CYP19A1: variants seen among roughly 807,000 people sequenced by gnomAD.
CYP19A1 encodes cytochrome P450 family 19 subfamily A member 1.
A neutral mutation model predicts 44.4 loss-of-function variants in CYP19A1; 32 were observed. The observed-to-expected ratio is 0.72, with a 90% CI of 0.54 to 0.97. CYP19A1 has a LOEUF of 0.97. Ranked by LOEUF, CYP19A1 falls within the 50% of genes least tolerant of loss-of-function variation. CYP19A1 has a pLI of 0.00. For synonymous variants in CYP19A1, 212 were observed against 215.6 expected, an observed-to-expected ratio of 0.98 and a Z score of 0.14; for missense variants, 598 against 637.8, an observed-to-expected ratio of 0.94 and a Z score of 0.67.
intron 1 of CYP19A1, among the ~76,000 whole-genome samples, chr15:51,323,533 T>G (rs1061825): frequency 6.6e-6 from 1 of 152,018 alleles, no homozygotes; most frequent in Non-Finnish European, 1.5e-5. Context: ...CTTGGGAAAT[T>G]TATTTAACCA....
intron 3 of CYP19A1, among the ~76,000 whole-genome samples, chr15:51,229,179 C>G (rs935261661): frequency 6.6e-6 from 1 of 151,776 alleles, no homozygotes; most frequent in Non-Finnish European, 1.5e-5. Flanking sequence ...AAAAGTAAGC[C>G]CCTGAAATAA....
At chr15:51,295,763 G>C (rs1267044776) in intron 1 of CYP19A1, among the ~76,000 whole-genome samples, 2 of 152,276 alleles carry the variant, frequency 1.3e-5, no homozygotes, top group East Asian at 3.9e-4. Flanking sequence ...AGTTGAGCTG[G>C]GTCCCTCGGG....
intron 1 of CYP19A1, among the ~76,000 whole-genome samples, chr15:51,292,354 T>C (rs2035867150): frequency 6.6e-6 from 1 of 152,250 alleles, no homozygotes. Flanking sequence ...ACCACCAGCC[T>C]GCAGAATAAT....
intron 4 of CYP19A1, among the ~76,000 whole-genome samples, chr15:51,226,921 A>T (rs1021189419): frequency 6.6e-6 from 1 of 152,110 alleles, no homozygotes; most frequent in Non-Finnish European, 1.5e-5. Context: ...AGGCTAGATG[A>T]CAGATATGGT....
At chr15:51,296,384 A>G (rs909117531) in intron 1 of CYP19A1, among the ~76,000 whole-genome samples, 11 of 152,210 alleles carry the variant, frequency 7.2e-5, no homozygotes, top group African/African-American at 2.4e-4. Flanking sequence ...GGGGCATGAC[A>G]GGGTTGGAGA....
intron 1 of CYP19A1, among the ~76,000 whole-genome samples, chr15:51,265,194 T>C (rs1486047190): frequency 1.3e-5 from 2 of 152,210 alleles, no homozygotes; most frequent in African/African-American, 2.4e-5. Flanking sequence ...CCACCCAGTA[T>C]AGCCTGCCAT....
At chr15:51,266,052 G>A (rs1463006682) in intron 1 of CYP19A1, among the ~76,000 whole-genome samples, 2 of 152,186 alleles carry the variant, frequency 1.3e-5, no homozygotes, top group African/African-American at 4.8e-5. Flanking sequence ...GGTAAAAGAA[G>A]CTTCTGTTCT....
rs373443759 is a variant in CYP19A1 at position 51,222,862 on chromosome 15, C to T, written c.452-337G>A. On this transcript the variant is annotated intron_variant, in intron 4 of 9. Transcript: ENST00000396402. ...GTACTTGTGGTCATAAATCACAAAT[C>T]AGTGATTTTTTCATATTTATTGCAT... 2.4e-4 allele frequency among the ~76,000 whole-genome samples: 36 copies of T among 152,156 alleles called. No individual in the cohort carries two copies. In the South Asian group the frequency reaches 5.4e-3, roughly 23 times the overall value.
At chr15:51,328,331 A>G (rs1332446029) in intron 1 of CYP19A1, among the ~76,000 whole-genome samples, 2 of 152,224 alleles carry the variant, frequency 1.3e-5, no homozygotes, top group African/African-American at 4.8e-5. Context: ...TGAGCAGGAC[A>G]TTTGAAAGTG....
At chr15:51,259,274 C>T (rs189106489) in intron 1 of CYP19A1, among the ~76,000 whole-genome samples, 8 of 151,990 alleles carry the variant, frequency 5.3e-5, no homozygotes, top group East Asian at 1.9e-4. Context: ...ATGGTGTATC[C>T]GTTACACACA....
rs139206381 is a variant in CYP19A1 at position 51,224,756 on chromosome 15, G to A, written c.452-2231C>T. ...TTAAAATCTTTAGTGATTCTCCATAGTTTTTGAGATAAGCTCAATTCCTTG... is the reference window on the plus strand; with the variant it reads ...TTAAAATCTTTAGTGATTCTCCATAATTTTTGAGATAAGCTCAATTCCTTG... On this transcript the variant is annotated intron_variant, in intron 4 of 9. Transcript: ENST00000396402. Among the ~76,000 whole-genome samples the A allele has an allele frequency of 3.9e-5, 6 of 152,296 alleles. No homozygotes were observed. The East Asian group carries it at 9.6e-4, about 24-fold the overall frequency.
intron 1 of CYP19A1, among the ~76,000 whole-genome samples, chr15:51,287,988 C>T (rs557875927): frequency 6.6e-6 from 1 of 152,272 alleles, no homozygotes; most frequent in South Asian, 2.1e-4. Context: ...TTGTCTAATA[C>T]TTTCAAAGCA....
In CYP19A1 at chr15:51,260,931, CG is replaced by C. The variant is rs1189829833; in HGVS notation, c.-38-17982del. Among the ~76,000 whole-genome samples the C allele has an allele frequency of 4.6e-5, 7 of 152,242 alleles. No homozygotes were observed. The East Asian group carries it at 1.4e-3, about 29-fold the overall frequency. On this transcript the variant is annotated intron_variant, in intron 1 of 9. Transcript: ENST00000396402. The stretch of plus-strand genomic sequence containing the variant: ...CTTGCAACTGCACACTCTTCTGGTC[CG>C]TGTTTGTTCTGGCTCGAGCTGAGCT...
chr15:51,249,237 G>A (rs184392079), intron 1 of CYP19A1, among the ~76,000 whole-genome samples: 1 of 152,110 alleles, frequency 6.6e-6, no homozygotes, highest in African/African-American at 2.4e-5. Flanking sequence ...CACCATGTCC[G>A]ACCCCAAATT....
chr15:51,284,281 A>C (rs916355999), intron 1 of CYP19A1, among the ~76,000 whole-genome samples: 1 of 152,226 alleles, frequency 6.6e-6, no homozygotes, highest in Admixed American at 6.5e-5. Flanking sequence ...ATTTAGGGAA[A>C]GGATTTTGAA....
At chr15:51,243,448 G>C (rs1392596060) in intron 1 of CYP19A1, among the ~76,000 whole-genome samples, 1 of 152,134 alleles carries the variant, frequency 6.6e-6, no homozygotes, top group African/African-American at 2.4e-5. Context: ...AGTTTCTACA[G>C]TAAGAACACA....
intron 3 of CYP19A1, among the ~76,000 whole-genome samples, chr15:51,235,725 T>C (rs372774658): frequency 5.5e-4 from 84 of 152,352 alleles, no homozygotes; most frequent in Middle Eastern, 6.8e-3. Context: ...AGATGATGTA[T>C]GTAATCTTGA....
At chr15:51,323,312 C>T (rs1328982419) in intron 1 of CYP19A1, among the ~76,000 whole-genome samples, 3 of 152,208 alleles carry the variant, frequency 2.0e-5, no homozygotes, top group African/African-American at 7.2e-5. Flanking sequence ...TAGCCACACT[C>T]AGGCATAATA....
chr15:51,298,505 C>A (rs1364439010), intron 1 of CYP19A1, among the ~76,000 whole-genome samples: 1 of 152,212 alleles, frequency 6.6e-6, no homozygotes, highest in East Asian at 1.9e-4. Flanking sequence ...AGTGCCTCAG[C>A]CCTAAACCAT....
Sources: allele counts gnomAD v4.1 joint callset (sites outside exome capture counted in the v4.1 genomes callset), GRCh38; gene constraint gnomAD v4.1.1; transcripts MANE v1.5; gene names NCBI Gene and HGNC (gene_info 2026-07-23, HGNC 2026-07-21).